The following CADPS2 variants were observed in gnomAD, a reference collection of about 807,000 sequenced individuals.
The protein encoded by CADPS2 is calcium-dependent secretion activator 2.
Under a neutral mutation model 172.5 loss-of-function variants are expected in CADPS2, and 93 were observed. That is an observed-to-expected ratio of 0.54 (90% CI 0.46 to 0.64). The LOEUF (loss-of-function observed/expected upper bound fraction) is 0.64, where lower values mean the gene tolerates loss of function less well. CADPS2 is among the 30% of genes least tolerant of loss of function. The pLI is 0.00. For missense variants in CADPS2, 1,420 were observed against 1,565.9 expected, an observed-to-expected ratio of 0.91 and a Z score of 1.57; for synonymous variants, 546 against 555.2, an observed-to-expected ratio of 0.98 and a Z score of 0.23.
intron 28 of CADPS2, among the ~76,000 whole-genome samples, chr7:122,329,745 T>C (rs751958603): frequency 1.3e-5 from 2 of 152,190 alleles, no homozygotes; most frequent in Admixed American, 1.3e-4. Context: ...AAAGTCCAGC[T>C]GCTTGCCACC....
At chr7:122,664,001 A>ACCCTGAT (rs924255313) in intron 2 of CADPS2, among the ~76,000 whole-genome samples, 8 of 145,498 alleles carry the variant, frequency 5.5e-5, no homozygotes, top group African/African-American at 2.1e-4. Context: ...ATTGGCTAAC[A>ACCCTGAT]CCCTGATTTT....
chr7:122,335,530 G>A (rs557182473), intron 28 of CADPS2, among the ~76,000 whole-genome samples: 13 of 152,176 alleles, frequency 8.5e-5, no homozygotes, highest in Non-Finnish European at 1.9e-4. Flanking sequence ...TATGTAGCCA[G>A]TGAGAGAAAA....
chr7:122,338,930 T>TTC, intron 28 of CADPS2: 1 of 150,632 alleles, frequency 6.6e-6, no homozygotes, highest in African/African-American at 2.4e-5. Context: ...TAGGCTAATT[T>TTC]TTTTTTTTTT....
chr7:122,484,368 T>C (rs548492304), intron 11 of CADPS2, among the ~76,000 whole-genome samples: 285 of 152,262 alleles, frequency 1.9e-3, no homozygotes, highest in Non-Finnish European at 3.3e-3. Context: ...ATGTAGTTAA[T>C]TGATTTTTCA....
At chr7:122,631,694 C>CTT (rs61656656) in intron 3 of CADPS2, among the ~76,000 whole-genome samples, 1,578 of 149,720 alleles carry the variant, frequency 0.011, 24 homozygotes, top group African/African-American at 0.036. Flanking sequence ...ATTGTCTTTT[C>CTT]TTTTTTTTTT....
chr7:122,678,527 G>A (rs1473090863), intron 2 of CADPS2, among the ~76,000 whole-genome samples: 2 of 152,174 alleles, frequency 1.3e-5, no homozygotes, highest in Admixed American at 6.5e-5. Context: ...TAGGAAATGG[G>A]GAATGTTGAC....
At chr7:122,425,394 C>A (rs2151845442) in intron 17 of CADPS2, among the ~76,000 whole-genome samples, 1 of 145,830 alleles carries the variant, frequency 6.9e-6, no homozygotes, top group Non-Finnish European at 1.5e-5. Context: ...TCAAGACCAG[C>A]CTGGGCAACG....
intron 1 of CADPS2, among the ~76,000 whole-genome samples, chr7:122,790,602 C>A (rs766712575): frequency 6.6e-6 from 1 of 152,090 alleles, no homozygotes; most frequent in Non-Finnish European, 1.5e-5. Context: ...ATATAAAGAT[C>A]AAACCAGCTC....
chr7:122,412,714 A>C (rs917845191), intron 19 of CADPS2: 2 of 152,238 alleles, frequency 1.3e-5, no homozygotes, highest in Non-Finnish European at 2.9e-5. Context: ...AATAATAAGC[A>C]ACCAAGTAAC....
chr7:122,561,530 C>T (rs947661790), intron 7 of CADPS2, among the ~76,000 whole-genome samples: 4 of 152,116 alleles, frequency 2.6e-5, no homozygotes, highest in East Asian at 3.9e-4. Context: ...CAATCATTCT[C>T]CAGTTTTTCC....
intron 2 of CADPS2, among the ~76,000 whole-genome samples, chr7:122,712,186 T>C (rs1359332627): frequency 6.6e-6 from 1 of 152,158 alleles, no homozygotes; most frequent in Non-Finnish European, 1.5e-5. Flanking sequence ...TTGTCATCTT[T>C]ACCTCTCAAA....
chr7:122,702,001 T>C (rs1388374955), intron 2 of CADPS2: 1 of 1,613,712 alleles, frequency 6.2e-7, no homozygotes. Context: ...TTAGGTCTAA[T>C]TCCTCATCCC....
intron 8 of CADPS2, among the ~76,000 whole-genome samples, chr7:122,553,526 T>C (rs563618494): frequency 1.3e-5 from 2 of 152,286 alleles, no homozygotes; most frequent in Non-Finnish European, 2.9e-5. Context: ...CTGCACATGC[T>C]GCCTACTAAA....
At chr7:122,852,812 A>G (rs1814055987) in intron 1 of CADPS2, among the ~76,000 whole-genome samples, 1 of 152,160 alleles carries the variant, frequency 6.6e-6, no homozygotes, top group African/African-American at 2.4e-5. Context: ...TGAACAGAGA[A>G]GCAATCCGAC....
intron 1 of CADPS2, among the ~76,000 whole-genome samples, chr7:122,859,523 G>T (rs1286393313): frequency 6.6e-6 from 1 of 151,984 alleles, no homozygotes; most frequent in African/African-American, 2.4e-5. Context: ...ATACATAGGG[G>T]AGTCAAAGAT....
chr7:122,515,561 G>A (rs2060296298), intron 8 of CADPS2, among the ~76,000 whole-genome samples: 1 of 152,040 alleles, frequency 6.6e-6, no homozygotes, highest in Admixed American at 6.6e-5. Context: ...AGAGCATCTG[G>A]AATGACCTTT....
chr7:122,815,671 T>C (rs543506278), intron 1 of CADPS2, among the ~76,000 whole-genome samples: 9 of 152,250 alleles, frequency 5.9e-5, no homozygotes, highest in South Asian at 4.1e-4. Flanking sequence ...ACAAAGCTGA[T>C]AGAGCATAAA....
chr7:122,764,051 G>C (rs188447135), intron 1 of CADPS2, among the ~76,000 whole-genome samples: 1 of 151,854 alleles, frequency 6.6e-6, no homozygotes, highest in Admixed American at 6.6e-5. Context: ...GAGCTTTTTG[G>C]TCCCCTAGGC....
intron 1 of CADPS2, among the ~76,000 whole-genome samples, chr7:122,836,403 T>C (rs1808428601): frequency 1.3e-5 from 2 of 151,826 alleles, no homozygotes; most frequent in South Asian, 4.2e-4. Flanking sequence ...AACATCATAA[T>C]GACAGGATCA....
Sources: gnomAD v4.1 joint callset for allele counts (sites outside exome capture counted in the v4.1 genomes callset) on GRCh38, gnomAD v4.1.1 for gene constraint, MANE v1.5 for transcripts, NCBI Gene and HGNC (gene_info 2026-07-23, HGNC 2026-07-21) for gene names.